Variants in FNDC1 observed in about 807,000 individuals in gnomAD.
The protein encoded by FNDC1 is fibronectin type III domain containing 1, also known as fibronectin type III domain-containing protein 1.
Under a neutral mutation model 168.0 loss-of-function variants are expected in FNDC1, and 96 were observed. The ratio of observed to expected loss-of-function variants is 0.57; its 90% confidence interval spans 0.48 to 0.68. The LOEUF (loss-of-function observed/expected upper bound fraction) is 0.68, where lower values mean the gene tolerates loss of function less well. Among genes scored for constraint, FNDC1 ranks in the 30% least tolerant of loss-of-function variants. The pLI, the probability that FNDC1 is intolerant of heterozygous loss-of-function variation, is 0.00. For missense variants in FNDC1, 2,587 were observed against 2,482.1 expected (o/e 1.04, Z -0.90); for synonymous variants, 1,099 against 1,025.9 (o/e 1.07, Z -1.36).
At chr6:159,227,670 A>C (rs1250951263) in intron 9 of FNDC1, among the ~76,000 whole-genome samples, 4 of 147,432 alleles carry the variant, frequency 2.7e-5, no homozygotes, top group Non-Finnish European at 4.5e-5. Flanking sequence ...TTGCCATTGG[A>C]ATAAATCCAC....
chr6:159,243,598 T>C (rs1583905889), intron 14 of FNDC1, among the ~76,000 whole-genome samples: 1 of 152,352 alleles, frequency 6.6e-6, no homozygotes, highest in East Asian at 1.9e-4. Context: ...GGTTGATGGC[T>C]GGCAACTATG....
intron 18 of FNDC1, among the ~76,000 whole-genome samples, chr6:159,258,698 C>A (rs769929553): frequency 6.6e-6 from 1 of 152,196 alleles, no homozygotes; most frequent in African/African-American, 2.4e-5. Flanking sequence ...CTGGTAGAGA[C>A]GCTGGCAGCT....
intron 19 of FNDC1, among the ~76,000 whole-genome samples, chr6:159,262,921 A>T (rs1356321577): frequency 2.0e-5 from 3 of 152,248 alleles, no homozygotes; most frequent in Non-Finnish European, 4.4e-5. Context: ...CCATCAGTTT[A>T]TTCAAGTTTC....
At chr6:159,200,890 A>T (rs532715801) in intron 4 of FNDC1, among the ~76,000 whole-genome samples, 7 of 152,396 alleles carry the variant, frequency 4.6e-5, no homozygotes, top group Admixed American at 2.6e-4. Context: ...TGACCAGATT[A>T]GGATATTTAT....
At chr6:159,225,478 A>T (rs1038471824) in intron 7 of FNDC1, 57 bp from the exon 8 acceptor site, 2 of 1,391,814 alleles carry the variant, frequency 1.4e-6, no homozygotes, top group Non-Finnish European at 2.0e-6. Context: ...ACAGCGAGGC[A>T]TCTAGTGTTG....
At chr6:159,245,088 C>T (rs1036059138) in intron 14 of FNDC1, among the ~76,000 whole-genome samples, 2 of 152,092 alleles carry the variant, frequency 1.3e-5, no homozygotes, top group Non-Finnish European at 2.9e-5. Flanking sequence ...GAAAAACTAC[C>T]ATTTATAAAA....
At chr6:159,248,352 C>T (rs1167894734) in intron 15 of FNDC1, among the ~76,000 whole-genome samples, 1 of 151,808 alleles carries the variant, frequency 6.6e-6, no homozygotes, top group Non-Finnish European at 1.5e-5. Flanking sequence ...TGTCTCCAGG[C>T]TGGAGTGCGG....
chr6:159,258,307 C>T (rs1777415584), intron 18 of FNDC1, among the ~76,000 whole-genome samples: 2 of 152,232 alleles, frequency 1.3e-5, no homozygotes, highest in South Asian at 2.1e-4. Flanking sequence ...TAAAAAACAA[C>T]ATAAATATAA....
In FNDC1 at chr6:159,239,854, C is replaced by A. The variant is rs770473879; in HGVS notation, c.4518C>A (p.Thr1506=). Residue 1506 remains threonine, a synonymous_variant, in exon 14 of 23, where the codon ACC becomes ACA. Transcript: ENST00000297267. ...RTTTTTTPTP[T]TPIPTCPPGT... Reference sequence around the variant, plus strand: ...CCACCACCACCACCCCCACACCCACCACTCCCATCCCCACCTGTCCCCCTG... The same window carrying A: ...CCACCACCACCACCCCCACACCCACAACTCCCATCCCCACCTGTCCCCCTG... The A allele has an allele frequency of 2.6e-6, 4 of 1,550,240 alleles. No individual in the cohort carries two copies. The highest frequency in any genetic ancestry group is 2.6e-6 in the Non-Finnish European group (3 of 1,146,072).
chr6:159,257,909 T>C (rs1777408389), intron 18 of FNDC1, among the ~76,000 whole-genome samples: 1 of 38,464 alleles, frequency 2.6e-5, no homozygotes, highest in Admixed American at 4.7e-4. Flanking sequence ...CAATGTCTTT[T>C]TTTTTTTTTT....
chr6:159,233,728 C>T lies in FNDC1; in HGVS notation c.3216C>T (p.Asp1072=). 1.3e-6 allele frequency: 2 copies of T among 1,549,814 alleles called. No homozygotes were observed. Among genetic ancestry groups the T allele is most frequent in the Non-Finnish European group, 1.7e-6 (2 of 1,146,730 alleles). ...TCCCCACGGCCCTCCAGAACCAGGA[C>T]GAGGATGCCCAGGGCAGCTACGACG... ...GMLPTALQNQ[D]EDAQGSYDDD... is the part of the protein sequence containing the mutation. The change falls in exon 11 of 23, where the codon GAC becomes GAT. Residue 1072 remains aspartate (D), a synonymous_variant. Coordinates refer to ENST00000297267, the MANE Select transcript of FNDC1 (RefSeq NM_032532.3). The surrounding 1 kb of genome is among the most constrained non-coding windows in gnomAD (Gnocchi z 4.6).
At chr6:159,223,972 C>G (rs1379442568) in intron 7 of FNDC1, among the ~76,000 whole-genome samples, 1 of 152,180 alleles carries the variant, frequency 6.6e-6, no homozygotes, top group Non-Finnish European at 1.5e-5. Context: ...TGCTTTCTCT[C>G]ATTGATGTTC....
At chr6:159,206,862 C>T (rs1305059543) in intron 4 of FNDC1, among the ~76,000 whole-genome samples, 1 of 152,190 alleles carries the variant, frequency 6.6e-6, no homozygotes, top group Admixed American at 6.5e-5. Flanking sequence ...CCACTACTCC[C>T]TCCCAAGGAA....
chr6:159,197,062 C>T (rs76363815), intron 1 of FNDC1, among the ~76,000 whole-genome samples: 1,592 of 152,288 alleles, frequency 0.01, 18 homozygotes, highest in Non-Finnish European at 0.015. Context: ...TACCACACAA[C>T]ATACTAATAA....
chr6:159,235,576 C>T (rs1030379464), intron 11 of FNDC1, among the ~76,000 whole-genome samples: 1 of 152,114 alleles, frequency 6.6e-6, no homozygotes, highest in Middle Eastern at 3.2e-3. Flanking sequence ...AGCACTTTGC[C>T]GAGCGGTCAA....
At chr6:159,269,518 C>G (rs369824710) in intron 22 of FNDC1, among the ~76,000 whole-genome samples, 424 of 102,636 alleles carry the variant, frequency 4.1e-3, no homozygotes, top group Middle Eastern at 0.017. Context: ...ATCCATGCAT[C>G]CATCCATCCA....
chr6:159,256,615 C>T lies in FNDC1; in HGVS notation c.5158C>T (p.Leu1720=), dbSNP rs772862975. 2 of 1,612,380 alleles carry T rather than the reference C, an allele frequency of 1.2e-6. No homozygotes were observed. The highest frequency in any genetic ancestry group is 1.7e-6 in the Non-Finnish European group (2 of 1,178,448). The part of the protein sequence containing the change: ...SSVTHLPIEN[L]KPNTRYYFKV... ...AGTAACTCACTTGCCCATTGAGAAC[C>T]TAAAGCCCAACACGAGGTACGATGT... is the stretch of plus-strand genomic sequence containing the variant. Residue 1720 remains leucine (L), a synonymous_variant, in exon 18 of 23, where the codon CTA becomes TTA. Coordinates refer to ENST00000297267, the MANE Select transcript of FNDC1 (RefSeq NM_032532.3).
At chr6:159,211,259 C>T (rs1366829139) in intron 4 of FNDC1, among the ~76,000 whole-genome samples, 1 of 152,134 alleles carries the variant, frequency 6.6e-6, no homozygotes, top group Non-Finnish European at 1.5e-5. Context: ...GTCAGTGGGA[C>T]AAACCAGACA....
intron 1 of FNDC1, among the ~76,000 whole-genome samples, chr6:159,179,082 G>A (rs900126792): frequency 6.6e-6 from 1 of 152,218 alleles, no homozygotes; most frequent in East Asian, 1.9e-4. Flanking sequence ...CTCCTGGCTG[G>A]TTCTGCAATG....
Sources: gnomAD v4.1 joint callset for allele counts (sites outside exome capture counted in the v4.1 genomes callset) on GRCh38, gnomAD v4.1.1 for gene constraint, Gnocchi (gnomAD v3.1) non-coding constraint, MANE v1.5 for transcripts, NCBI Gene and HGNC (gene_info 2026-07-23, HGNC 2026-07-21) for gene names.